GPC5: variants seen among roughly 807,000 people sequenced by gnomAD.
The protein encoded by GPC5 is glypican-5.
Under a neutral mutation model 53.9 loss-of-function variants are expected in GPC5, and 47 were observed. That is an observed-to-expected ratio of 0.87 (90% CI 0.69 to 1.11). The LOEUF is 1.11. Ranked by LOEUF, GPC5 falls within the 50% of genes most tolerant of loss-of-function variation. The probability of loss-of-function intolerance (pLI) is 0.00; values close to 1 mark genes in which losing one functional copy is unlikely to be tolerated. For synonymous variants in GPC5, 286 were observed against 263.3 expected (o/e 1.09, Z -0.84); for missense variants, 748 against 713.1 (o/e 1.05, Z -0.56).
At chr13:92,053,015 G>A (rs774087961) in intron 6 of GPC5, among the ~76,000 whole-genome samples, 2 of 152,138 alleles carry the variant, frequency 1.3e-5, no homozygotes, top group South Asian at 2.1e-4. Context: ...ATGTTTGTTC[G>A]TTTTTATTAT....
intron 7 of GPC5, among the ~76,000 whole-genome samples, chr13:92,171,614 A>G (rs1181007357): frequency 6.6e-6 from 1 of 152,192 alleles, no homozygotes; most frequent in African/African-American, 2.4e-5. Flanking sequence ...ACAATTGACA[A>G]TGTCAATCTT....
intron 7 of GPC5, among the ~76,000 whole-genome samples, chr13:92,155,068 G>T (rs764536828): frequency 6.6e-6 from 1 of 152,016 alleles, no homozygotes; most frequent in Non-Finnish European, 1.5e-5. Flanking sequence ...CTTATTTATT[G>T]TAACTATATA....
At chr13:91,419,750 G>T (rs1208874449) in intron 1 of GPC5, among the ~76,000 whole-genome samples, 1 of 152,102 alleles carries the variant, frequency 6.6e-6, no homozygotes, top group Non-Finnish European at 1.5e-5. Flanking sequence ...GAGATATGTT[G>T]TTAGAATAGA....
chr13:91,729,818 G>T (rs1478789859), intron 4 of GPC5, among the ~76,000 whole-genome samples: 1 of 152,102 alleles, frequency 6.6e-6, no homozygotes, highest in East Asian at 1.9e-4. Flanking sequence ...TCGAGGTGTT[G>T]TATTTCACCA....
chr13:92,745,587 G>T (rs1315415713), intron 7 of GPC5, among the ~76,000 whole-genome samples: 1 of 152,022 alleles, frequency 6.6e-6, no homozygotes, highest in African/African-American at 2.4e-5. Context: ...TGAGTCCTCT[G>T]GTCATTAGGG....
intron 7 of GPC5, among the ~76,000 whole-genome samples, chr13:92,342,322 G>T (rs907476513): frequency 9.2e-5 from 14 of 152,026 alleles, no homozygotes; most frequent in Non-Finnish European, 1.3e-4. Flanking sequence ...CCATGAACTG[G>T]CTACTGGGGG....
intron 7 of GPC5, among the ~76,000 whole-genome samples, chr13:92,266,156 C>G (rs190946290): frequency 6.6e-6 from 1 of 152,112 alleles, no homozygotes; most frequent in Non-Finnish European, 1.5e-5. Flanking sequence ...TTTTAGGGGA[C>G]GCATTTAAAG....
intron 6 of GPC5, among the ~76,000 whole-genome samples, chr13:91,949,726 C>T (rs1232580741): frequency 1.3e-5 from 2 of 151,958 alleles, no homozygotes; most frequent in African/African-American, 4.8e-5. Context: ...ACTGCAGGTA[C>T]AAAAGCAAAA....
At chr13:91,591,041 A>G (rs2032777686) in intron 2 of GPC5, among the ~76,000 whole-genome samples, 1 of 152,134 alleles carries the variant, frequency 6.6e-6, no homozygotes, top group South Asian at 2.1e-4. Flanking sequence ...GGAGCATTGT[A>G]TTGTTGATGT....
chr13:91,432,642 AG>A lies in GPC5; in HGVS notation c.164-16118del, dbSNP rs535841473. On this transcript the variant is annotated intron_variant, in intron 1 of 7. Coordinates refer to ENST00000377067, the MANE Select transcript of GPC5 (RefSeq NM_004466.6). ...ATCCAGAACAATAAAAACTCATAAGAGCTAAATACTTAATACTTTTCTGATT... is the reference window on the plus strand; with the variant it reads ...ATCCAGAACAATAAAAACTCATAAGACTAAATACTTAATACTTTTCTGATT... Among the ~76,000 whole-genome samples the A allele has an allele frequency of 2.2e-4, 33 of 152,298 alleles. No individual in the cohort carries two copies. The South Asian group carries it at 6.8e-3, about 32-fold the overall frequency.
chr13:91,511,230 G>A (rs1885214471), intron 2 of GPC5, among the ~76,000 whole-genome samples: 1 of 151,990 alleles, frequency 6.6e-6, no homozygotes, highest in African/African-American at 2.4e-5. Flanking sequence ...AATTATTTCA[G>A]TGAGAAGATA....
At chr13:92,650,573 C>T (rs1193475584) in intron 7 of GPC5, among the ~76,000 whole-genome samples, 1 of 151,984 alleles carries the variant, frequency 6.6e-6, no homozygotes, top group Non-Finnish European at 1.5e-5. Flanking sequence ...CATATACAGG[C>T]CAGATATTCT....
chr13:91,641,208 G>A (rs1286111804), intron 2 of GPC5, among the ~76,000 whole-genome samples: 1 of 151,604 alleles, frequency 6.6e-6, no homozygotes, highest in African/African-American at 2.4e-5. Context: ...GGCGCCTGTA[G>A]TCCCAGCTAC....
Position 92,514,665 on chromosome 13 carries a change from G to A in GPC5, c.1562-351617G>A, listed in dbSNP as rs949256605. 6.6e-5 allele frequency among the ~76,000 whole-genome samples: 10 copies of A among 152,234 alleles called. No individual in the cohort carries two copies. The East Asian group carries it at 1.2e-3, about 18-fold the overall frequency. ...TGCCCAATCCAGAGCCTGCCCATTC[G>A]CCACAGTGCTATATGGCCTTCAAGA... is the stretch of plus-strand genomic sequence containing the variant. On this transcript the variant is annotated intron_variant, in intron 7 of 7. Coordinates refer to ENST00000377067, the MANE Select transcript of GPC5 (RefSeq NM_004466.6).
At chr13:92,552,416 A>G (rs1882349173) in intron 7 of GPC5, among the ~76,000 whole-genome samples, 1 of 151,912 alleles carries the variant, frequency 6.6e-6, no homozygotes, top group Non-Finnish European at 1.5e-5. Context: ...AAAATTTAAG[A>G]AGAGTCAATT....
At chr13:91,957,475 G>T (rs908571858) in intron 6 of GPC5, among the ~76,000 whole-genome samples, 1 of 152,076 alleles carries the variant, frequency 6.6e-6, no homozygotes, top group African/African-American at 2.4e-5. Flanking sequence ...GAAGCTCGGA[G>T]ATCCCCAAAT....
rs558751332 is a variant in GPC5, at chr13:92,301,852, C to T, written c.1561+156863C>T. Among the ~76,000 whole-genome samples the T allele has an allele frequency of 6.6e-5, 10 of 152,186 alleles. No individual in the cohort carries two copies. The East Asian group carries it at 1.2e-3, about 18-fold the overall frequency. On this transcript the variant is annotated intron_variant, in intron 7 of 7. Transcript: ENST00000377067. The stretch of plus-strand genomic sequence containing the variant: ...GGCAGAGGTTGCAGTGAAACGAGAT[C>T]GTGCCACTGCACTCCAGCCTGGGCA...
intron 2 of GPC5, among the ~76,000 whole-genome samples, chr13:91,508,118 C>A (rs1262056485): frequency 2.6e-5 from 4 of 151,932 alleles, no homozygotes; most frequent in Non-Finnish European, 4.4e-5. Flanking sequence ...TATCAGATAC[C>A]AAAATACCTA....
At chr13:91,834,371 T>C (rs1202330913) in intron 5 of GPC5, among the ~76,000 whole-genome samples, 2 of 152,164 alleles carry the variant, frequency 1.3e-5, no homozygotes, top group Non-Finnish European at 2.9e-5. Flanking sequence ...CCATTGACTT[T>C]CTTCACAGAA....
Sources: allele counts gnomAD v4.1 joint callset (sites outside exome capture counted in the v4.1 genomes callset), GRCh38; gene constraint gnomAD v4.1.1; transcripts MANE v1.5; gene names NCBI Gene and HGNC (gene_info 2026-07-23, HGNC 2026-07-21).